C4orf36: variants seen among roughly 807,000 people sequenced by gnomAD.
C4orf36 encodes uncharacterized protein C4orf36.
In C4orf36, 11 loss-of-function variants were observed where a neutral mutation model predicts 12.2. The observed-to-expected ratio is 0.90, with a 90% CI of 0.57 to 1.49. The LOEUF (loss-of-function observed/expected upper bound fraction) is 1.49. Ranked by LOEUF, C4orf36 falls within the 40% of genes most tolerant of loss-of-function variation. The pLI, the probability that C4orf36 is intolerant of heterozygous loss-of-function variation, is 0.00. For synonymous variants in C4orf36, 54 were observed against 51.3 expected, an observed-to-expected ratio of 1.05 and a Z score of -0.22; for missense variants, 137 against 133.9, an observed-to-expected ratio of 1.02 and a Z score of -0.11.
intron 4 of C4orf36, among the ~76,000 whole-genome samples, chr4:86,878,896 C>A (rs1746982985): frequency 6.6e-6 from 1 of 152,128 alleles, no homozygotes; most frequent in Non-Finnish European, 1.5e-5. Flanking sequence ...AGTGAAGAAG[C>A]AAGTAAACCT....
chr4:86,909,779 A>G, the C4orf36 span, among the ~76,000 whole-genome samples: 1 of 151,718 alleles, frequency 6.6e-6, no homozygotes, highest in Non-Finnish European at 1.5e-5. Context: ...AATAAAACCT[A>G]GCGATACACT....
chr4:86,913,432 G>A, the C4orf36 span: 10 of 742,428 alleles, frequency 1.3e-5, no homozygotes, highest in African/African-American at 3.4e-5. Context: ...GTCCTCAGTC[G>A]TGGCCCTCTT....
At chr4:86,922,574 T>A in the C4orf36 span, among the ~76,000 whole-genome samples, 2 of 152,192 alleles carry the variant, frequency 1.3e-5, no homozygotes, top group Non-Finnish European at 2.9e-5. Flanking sequence ...AGAGAGACAC[T>A]GCAGGCATAG....
At chr4:86,886,618 T>C (rs1747184036) in intron 4 of C4orf36, 1 of 152,172 alleles carries the variant, frequency 6.6e-6, no homozygotes, top group African/African-American at 2.4e-5. Flanking sequence ...AAACAACAGG[T>C]GCTGGGGAGG....
chr4:86,915,049 C>A, the C4orf36 span, among the ~76,000 whole-genome samples: 1 of 152,036 alleles, frequency 6.6e-6, no homozygotes, highest in South Asian at 2.1e-4. Flanking sequence ...TGTATATGAC[C>A]AACCTCCCAT....
rs749013870 is a variant in C4orf36 at position 86,878,500 on chromosome 4, G to C, written c.*3-2057C>G. Reference sequence around the variant, plus strand: ...ACAATATACAAACCAAACTGCTTTAGTAAGAACTCCAGAAACAAGTTAAGA... The same window carrying C: ...ACAATATACAAACCAAACTGCTTTACTAAGAACTCCAGAAACAAGTTAAGA... On this transcript the variant is annotated intron_variant, in intron 4 of 4. Transcript: ENST00000295898. 6.1e-4 allele frequency among the ~76,000 whole-genome samples: 93 copies of C among 152,284 alleles called. 1 individual carries two copies. Among genetic ancestry groups the C allele is most frequent in the Non-Finnish European group, 3.2e-4 (22 of 68,020 alleles).
At chr4:86,903,603 A>G in the C4orf36 span, among the ~76,000 whole-genome samples, 5 of 152,348 alleles carry the variant, frequency 3.3e-5, no homozygotes, top group Admixed American at 3.3e-4. Flanking sequence ...AAGAGAAAGC[A>G]GCAACAACAT....
At chr4:86,915,282 T>C in the C4orf36 span, among the ~76,000 whole-genome samples, 4 of 152,188 alleles carry the variant, frequency 2.6e-5, no homozygotes, top group Admixed American at 1.3e-4. Flanking sequence ...CTCTCCTTTC[T>C]TGGGCTCCAG....
the C4orf36 span, chr4:86,914,139 C>T: frequency 1.7e-4 from 271 of 1,599,520 alleles, 1 homozygote; most frequent in Admixed American, 8.2e-4. Context: ...AGAAATGAAT[C>T]GTGCTCCACT....
the C4orf36 span, among the ~76,000 whole-genome samples, chr4:86,909,899 A>G: frequency 1.6e-4 from 24 of 151,472 alleles, no homozygotes; most frequent in African/African-American, 5.6e-4. Flanking sequence ...GACTTAAAAA[A>G]AAAAAAAAAA....
the C4orf36 span, among the ~76,000 whole-genome samples, chr4:86,918,106 A>G: frequency 6.6e-6 from 1 of 152,134 alleles, no homozygotes; most frequent in Admixed American, 6.5e-5. Flanking sequence ...GGTCTCTCTC[A>G]GTCCTTTTTT....
the C4orf36 span, among the ~76,000 whole-genome samples, chr4:86,899,083 C>A: frequency 1.3e-5 from 2 of 152,090 alleles, no homozygotes. Flanking sequence ...AGAGTGAGAC[C>A]CTGTCTCAAA....
intron 4 of C4orf36, chr4:86,886,367 T>C (rs1747179082): frequency 6.6e-6 from 1 of 152,186 alleles, no homozygotes; most frequent in Non-Finnish European, 1.5e-5. Context: ...AACCTACTTA[T>C]CTGACAAAGG....
chr4:86,924,384 A>G, the C4orf36 span, among the ~76,000 whole-genome samples: 1 of 152,194 alleles, frequency 6.6e-6, no homozygotes, highest in Non-Finnish European at 1.5e-5. Flanking sequence ...TATTTTTAGT[A>G]CAGATGGGGT....
intron 4 of C4orf36, among the ~76,000 whole-genome samples, chr4:86,881,915 T>TG (rs1747062009): frequency 6.6e-6 from 1 of 152,190 alleles, no homozygotes; most frequent in Non-Finnish European, 1.5e-5. Flanking sequence ...TGATCTCAGG[T>TG]GATCCACCCA....
At chr4:86,905,215 A>G in the C4orf36 span, among the ~76,000 whole-genome samples, 3 of 146,832 alleles carry the variant, frequency 2.0e-5, no homozygotes, top group African/African-American at 7.4e-5. Flanking sequence ...TCTACTAAAA[A>G]TACAAAAAAA....
chr4:86,921,163 C>T, the C4orf36 span, among the ~76,000 whole-genome samples: 1 of 144,430 alleles, frequency 6.9e-6, no homozygotes, highest in East Asian at 2.0e-4. Flanking sequence ...GAAACTCCTT[C>T]TCAAAAAAAA....
At chr4:86,914,764 C>A in the C4orf36 span, 1 of 443,068 alleles carries the variant, frequency 2.3e-6, no homozygotes, top group South Asian at 1.8e-5. Flanking sequence ...GGTATGATCC[C>A]TGTTCCAGGC....
upstream of C4orf36, among the ~76,000 whole-genome samples, chr4:86,892,575 C>T (rs1747472115): frequency 6.6e-6 from 1 of 152,272 alleles, no homozygotes; most frequent in East Asian, 1.9e-4. Context: ...GGAATCCAGC[C>T]AACCAGCCAG....
Sources: gnomAD v4.1 joint callset for allele counts (sites outside exome capture counted in the v4.1 genomes callset) on GRCh38, gnomAD v4.1.1 for gene constraint, MANE v1.5 for transcripts, NCBI Gene and HGNC (gene_info 2026-07-23, HGNC 2026-07-21) for gene names.